The following RYR1 variants were observed in gnomAD, a reference collection of about 807,000 sequenced individuals.
RYR1 encodes ryanodine receptor 1, also known as central core disease of muscle.
Under a neutral mutation model 583.5 loss-of-function variants are expected in RYR1, and 342 were observed. The observed-to-expected ratio is 0.59, with a 90% CI of 0.54 to 0.64. The LOEUF (loss-of-function observed/expected upper bound fraction) is 0.64, where lower values mean the gene tolerates loss of function less well. RYR1 is among the 30% of genes least tolerant of loss of function. RYR1 has a pLI of 0.00. For missense variants in RYR1, 6,032 were observed against 6,917.2 expected (o/e 0.87, Z 4.54); for synonymous variants, 2,791 against 2,822.5 (o/e 0.99, Z 0.35).
Position 38,565,407 on chromosome 19 carries a change from T to C in RYR1, c.13073T>C (p.Leu4358Pro). The change falls in exon 91 of 106, where the codon CTC becomes CCC. Residue 4358 changes from leucine (L) to proline (P), a missense_variant. Physicochemically the swap from Leu to Pro is moderately conservative, Grantham distance 98. Transcript: ENST00000359596. This position sits in a 1 kb window ranked among gnomAD's most constrained non-coding sequence, Gnocchi z 4.7. ...GCGGCGGCGGGCGCGCTGGGCCTGC[T>C]CTGGGGCTCGCTGTTCGGCGGCGGC... is the stretch of plus-strand genomic sequence containing the variant. ...AGAAAGALGL[L>P]WGSLFGGGLV... 6.8e-7 allele frequency: 1 copy of C among 1,477,884 alleles called. No homozygotes were observed. The highest frequency in any genetic ancestry group is 8.9e-7 in the Non-Finnish European group (1 of 1,120,712). The allele number at this position is 1,477,884 out of a possible 1,614,324, so 91.5% of individuals were successfully genotyped here. A position where few individuals can be genotyped will look rare whatever the true frequency, so the allele number is the denominator to read the frequency against.
Position 38,500,999 on chromosome 19 carries a change from C to T in RYR1, c.7614+9C>T, listed in dbSNP as rs775021651. The T allele has an allele frequency of 5.6e-6, 9 of 1,612,196 alleles. No homozygotes were observed. Among genetic ancestry groups the T allele is most frequent in the Non-Finnish European group, 7.6e-6 (9 of 1,179,546 alleles). ...CCGCCTCGCTGGACACGGTGAGCAA[C>T]CCTGCCCAGCCTGGCCACCCTCCCC... On this transcript the variant is annotated intron_variant, in intron 47 of 105. Coordinates refer to ENST00000359596, the MANE Select transcript of RYR1 (RefSeq NM_000540.3). The surrounding 1 kb of genome is among the most constrained non-coding windows in gnomAD (Gnocchi z 5.9).
chr19:38,464,552 G>A, intron 22 of RYR1, 87 bp from the exon 23 acceptor site: 2 of 1,108,918 alleles, frequency 1.8e-6, no homozygotes, highest in Middle Eastern at 2.4e-4. Context: ...AGAGGTAGAG[G>A]GAGCTGGAGA....
chr19:38,474,120 A>T (rs369041053), intron 28 of RYR1, among the ~76,000 whole-genome samples: 1 of 152,248 alleles, frequency 6.6e-6, no homozygotes, highest in Non-Finnish European at 1.5e-5. Context: ...CTGCACAGTA[A>T]GGTATCCCAG....
rs767928113 is a variant in RYR1 at position 38,478,461 on chromosome 19, T to C, written c.4481T>C (p.Val1494Ala). ...CTCAAGTGTAGCAACTGCTACATGG[T>C]GTGGGGCGGAGACTTTGTGAGTCCC... is the stretch of plus-strand genomic sequence containing the variant. ...SSLKCSNCYM[V>A]WGGDFVSPGQ... Residue 1494 changes from valine to alanine, a missense_variant, in exon 31 of 106, where the codon GTG becomes GCG. Physicochemically the swap from Val to Ala is moderately conservative, Grantham distance 64. Transcript: ENST00000359596. The C allele has an allele frequency of 9.8e-5, 158 of 1,613,752 alleles. 1 individual carries two copies. In the South Asian group the frequency reaches 1.7e-3, roughly 17 times the overall value.
In RYR1 at chr19:38,440,785, A is replaced by G. The variant is rs1285741243; in HGVS notation, c.86A>G (p.Lys29Arg). 2 of 1,609,204 alleles carry G rather than the reference A, an allele frequency of 1.2e-6. No homozygotes were observed. The highest frequency in any genetic ancestry group is 1.3e-5 in the African/African-American group (1 of 74,880). The change falls in exon 2 of 106, where the codon AAG becomes AGG. Residue 29 changes from lysine to arginine, a missense_variant. By Grantham distance (26) the Lys-to-Arg change is conservative. Coordinates refer to ENST00000359596, the MANE Select transcript of RYR1 (RefSeq NM_000540.3). ...VVLQCSATVL[K>R]EQLKLCLAAE... ...CTGCAGTGCAGCGCTACCGTGCTCA[A>G]GGAGCAGCTCAAGCTCTGCCTGGCC...
chr19:38,536,356 C>T (rs769565010), intron 82 of RYR1, among the ~76,000 whole-genome samples: 27 of 149,934 alleles, frequency 1.8e-4, no homozygotes, highest in Non-Finnish European at 2.8e-4. Context: ...CTCCACGTGC[C>T]CCAAATGTCA....
In RYR1 at chr19:38,475,136, C is replaced by T. The variant is rs148197236; in HGVS notation, c.4161-182C>T. 2.6e-3 allele frequency among the ~76,000 whole-genome samples: 400 copies of T among 152,250 alleles called. 3 individuals carry two copies. The highest frequency in any genetic ancestry group is 9.4e-3 in the African/African-American group (390 of 41,548). Reference sequence around the variant, plus strand: ...ATTTGGGTAACTCAGCATCCACAAGCGCAGAGCATAGCACTTCTAGAATGG... The same window carrying T: ...ATTTGGGTAACTCAGCATCCACAAGTGCAGAGCATAGCACTTCTAGAATGG... On this transcript the variant is annotated intron_variant, in intron 28 of 105. Coordinates refer to ENST00000359596, the MANE Select transcript of RYR1 (RefSeq NM_000540.3).
At chr19:38,586,437 A>G in intron 104 of RYR1, 88 bp from the exon 105 acceptor site, 1 of 1,397,102 alleles carries the variant, frequency 7.2e-7, no homozygotes, top group Non-Finnish European at 1.0e-6. Flanking sequence ...CTTGGGCAAC[A>G]TAGCAAGACT....
chr19:38,502,564 G>C lies in RYR1; in HGVS notation c.7672G>C (p.Val2558Leu), dbSNP rs771523641. The change falls in exon 48 of 106, where the codon GTG (valine) becomes CTG (leucine). Residue 2558 changes from valine (V) to leucine (L), a missense_variant. By Grantham distance (32) the Val-to-Leu change is conservative. Around this residue, in one of 11 missense-constraint regions of RYR1, gnomAD observed 250 missense variants for 162.3 expected, o/e 1.54. Coordinates refer to ENST00000359596, the MANE Select transcript of RYR1 (RefSeq NM_000540.3). ...GCTGAACCGCTACCTGTGCCTGGCC[G>C]TGCTGCCGCTCATCACCAAGTGTGC... ...LALNRYLCLA[V>L]LPLITKCAPL... 6.2e-7 allele frequency: 1 copy of C among 1,611,856 alleles called. No homozygotes were observed. The highest frequency in any genetic ancestry group is 1.1e-5 in the South Asian group (1 of 90,984).
At chr19:38,501,429 C>T (rs919332572) in intron 47 of RYR1, among the ~76,000 whole-genome samples, 2 of 152,014 alleles carry the variant, frequency 1.3e-5, no homozygotes, top group Non-Finnish European at 2.9e-5. Flanking sequence ...ACCGGGGAGG[C>T]GGAGGTTGCA....
At position 38,512,647 on chromosome 19, in the gene RYR1, C is replaced by T. The variant is rs980005377; in HGVS notation, c.9472+164C>T. Among the ~76,000 whole-genome samples, 3 of 152,094 alleles carry T rather than the reference C, an allele frequency of 2.0e-5. No homozygotes were observed. Among genetic ancestry groups the T allele is most frequent in the African/African-American group, 4.8e-5 (2 of 41,414 alleles). On this transcript the variant is annotated intron_variant, in intron 63 of 105. Coordinates refer to ENST00000359596, the MANE Select transcript of RYR1 (RefSeq NM_000540.3). The surrounding 1 kb of genome is among the most constrained non-coding windows in gnomAD (Gnocchi z 5.1). ...CAGGTGGCAAATGAGTTAATGAGGA[C>T]GCGAGCTCAGCAGCTCTAACAAAAG...
Position 38,496,278 on chromosome 19 carries a change from C to G in RYR1, c.6612C>G (p.His2204Gln), listed in dbSNP as rs141646642. 1.9e-6 allele frequency: 3 copies of G among 1,613,982 alleles called. No homozygotes were observed. The highest frequency in any genetic ancestry group is 1.7e-6 in the Non-Finnish European group (2 of 1,180,036). Residue 2204 changes from histidine (H) to glutamine (Q), a missense_variant, in exon 40 of 106, where the codon CAC becomes CAG. His to Gln is a conservative substitution (Grantham distance 24). Transcript: ENST00000359596. The surrounding 1 kb of genome is among the most constrained non-coding windows in gnomAD (Gnocchi z 4.8). ...ACCTGATGAGGGCGCTGGGCATGCA[C>G]GAGACGGTCATGGAGGTCATGGTCA... ...HPNLMRALGMHETVMEVMVNV... is the reference protein window; with the variant it reads ...HPNLMRALGMQETVMEVMVNV...
intron 93 of RYR1, 101 bp downstream of exon 93, chr19:38,568,018 A>C (rs923222661): frequency 6.5e-6 from 9 of 1,387,432 alleles, no homozygotes; most frequent in Non-Finnish European, 8.0e-6. Flanking sequence ...CATCTGTTCA[A>C]GCTCGTCTCT....
chr19:38,560,796 A>G (rs995170975), intron 89 of RYR1, among the ~76,000 whole-genome samples: 4 of 150,676 alleles, frequency 2.7e-5, no homozygotes, highest in African/African-American at 7.3e-5. Flanking sequence ...AGGTGGGAGG[A>G]TCCCTTGAGC....
rs185987994 is a variant in RYR1, at chr19:38,562,807, A to G, written c.12624+1353A>G. Among the ~76,000 whole-genome samples, 110 of 152,170 alleles carry G rather than the reference A, an allele frequency of 7.2e-4. No individual in the cohort carries two copies. In the South Asian group the frequency reaches 0.011, roughly 15 times the overall value. ...CACACTGAGCCTCTCGTGGTTGCAC[A>G]CTTTTGGCATCTTCCCATGCCGCCA... On this transcript the variant is annotated intron_variant, in intron 90 of 105. Transcript: ENST00000359596.
intron 93 of RYR1, among the ~76,000 whole-genome samples, chr19:38,570,228 C>T (rs151038170): frequency 2.0e-3 from 311 of 151,740 alleles, no homozygotes; most frequent in Non-Finnish European, 3.4e-3. Context: ...CTGAGGAGGG[C>T]GGATCACGAG....
chr19:38,511,711 GTT>G, intron 61 of RYR1, 101 bp downstream of exon 61: 1 of 1,401,252 alleles, frequency 7.1e-7, no homozygotes, highest in Non-Finnish European at 1.0e-6. Context: ...AACCTTTGTT[GTT>G]TTCTTCCCCT....
chr19:38,539,067 T>A (rs1851269494), intron 84 of RYR1, among the ~76,000 whole-genome samples: 1 of 152,166 alleles, frequency 6.6e-6, no homozygotes, highest in Non-Finnish European at 1.5e-5. Context: ...ACCCACTTGG[T>A]TAGTGCTCTT....
intron 53 of RYR1, among the ~76,000 whole-genome samples, chr19:38,505,600 A>G (rs997922053): frequency 1.3e-5 from 2 of 152,120 alleles, no homozygotes; most frequent in African/African-American, 2.4e-5. Context: ...CCTTGGCTGT[A>G]GTAAGACTTC....
Sources: allele counts gnomAD v4.1 joint callset (sites outside exome capture counted in the v4.1 genomes callset), GRCh38; gene constraint gnomAD v4.1.1; regional missense constraint gnomAD v4.1.1; non-coding constraint Gnocchi (gnomAD v3.1); transcripts MANE v1.5; gene names NCBI Gene and HGNC (gene_info 2026-07-23, HGNC 2026-07-21).